NRG3: variants seen among roughly 807,000 people sequenced by gnomAD.
NRG3 encodes the protein neuregulin 3, also known as pro-neuregulin-3, membrane-bound isoform.
A neutral mutation model predicts 66.9 loss-of-function variants in NRG3; 31 were observed. That is an observed-to-expected ratio of 0.46 (90% CI 0.35 to 0.63). The LOEUF is 0.63. Ranked by LOEUF, NRG3 falls within the 20% of genes least tolerant of loss-of-function variation. NRG3 has a pLI of 0.00. For missense variants in NRG3, 910 were observed against 878.9 expected (o/e 1.04, Z -0.45); for synonymous variants, 393 against 359.4 (o/e 1.09, Z -1.06).
chr10:82,575,979 A>G (rs2046006185), intron 2 of NRG3, among the ~76,000 whole-genome samples: 1 of 151,700 alleles, frequency 6.6e-6, no homozygotes, highest in Admixed American at 6.6e-5. Flanking sequence ...ATGTTCTGAG[A>G]GTCATCTTCC....
chr10:82,592,320 C>A (rs1156312795), intron 2 of NRG3, among the ~76,000 whole-genome samples: 1 of 152,104 alleles, frequency 6.6e-6, no homozygotes, highest in Non-Finnish European at 1.5e-5. Flanking sequence ...CCAGTCCAAT[C>A]GGCTAAAAGA....
chr10:82,479,796 T>C (rs1360216366), intron 2 of NRG3, among the ~76,000 whole-genome samples: 1 of 151,152 alleles, frequency 6.6e-6, no homozygotes, highest in Non-Finnish European at 1.5e-5. Flanking sequence ...TAAAACTCCG[T>C]CTCTACTAAA....
At chr10:82,643,848 A>G (rs1345359294) in intron 2 of NRG3, among the ~76,000 whole-genome samples, 1 of 148,304 alleles carries the variant, frequency 6.7e-6, no homozygotes, top group Non-Finnish European at 1.5e-5. Flanking sequence ...GTTTCTTTTG[A>G]ATTTCTCTCT....
chr10:82,398,677 A>G (rs72827387), intron 2 of NRG3, among the ~76,000 whole-genome samples: 20,347 of 152,094 alleles, frequency 0.13, 1,621 homozygotes, highest in East Asian at 0.31. Flanking sequence ...GGGAAAGGTA[A>G]AAGTCACTTC....
chr10:82,804,413 G>T (rs766887345), intron 3 of NRG3, among the ~76,000 whole-genome samples: 3 of 152,172 alleles, frequency 2.0e-5, no homozygotes, highest in Non-Finnish European at 4.4e-5. Flanking sequence ...CATTGCATTT[G>T]TGGGTGGAAG....
intron 2 of NRG3, among the ~76,000 whole-genome samples, chr10:82,432,510 A>AG (rs962741197): frequency 2.0e-5 from 3 of 151,928 alleles, no homozygotes; most frequent in African/African-American, 7.2e-5. Flanking sequence ...AAAAAAAAAA[A>AG]AAAACAGGAT....
intron 6 of NRG3, among the ~76,000 whole-genome samples, chr10:82,972,110 C>T (rs1247026202): frequency 6.6e-6 from 1 of 152,056 alleles, no homozygotes; most frequent in Non-Finnish European, 1.5e-5. Flanking sequence ...TTCCAATTTA[C>T]CATGCTCTCT....
intron 1 of NRG3, among the ~76,000 whole-genome samples, chr10:82,227,052 C>T (rs537894078): frequency 2.6e-5 from 4 of 152,082 alleles, no homozygotes; most frequent in African/African-American, 7.2e-5. Context: ...CACATGTTGG[C>T]GGTATGTATG....
chr10:82,241,368 T>C (rs1005908774), intron 1 of NRG3, among the ~76,000 whole-genome samples: 1 of 152,104 alleles, frequency 6.6e-6, no homozygotes, highest in Non-Finnish European at 1.5e-5. Flanking sequence ...ATCAGTAAAA[T>C]GTCTATATCT....
At chr10:82,238,641 T>G (rs1589431036) in intron 1 of NRG3, among the ~76,000 whole-genome samples, 2 of 152,042 alleles carry the variant, frequency 1.3e-5, no homozygotes, top group East Asian at 3.9e-4. Flanking sequence ...GAGACAACCA[T>G]TCTAATTTAC....
chr10:82,340,455 C>T (rs2082628279), intron 1 of NRG3, among the ~76,000 whole-genome samples: 1 of 152,110 alleles, frequency 6.6e-6, no homozygotes, highest in African/African-American at 2.4e-5. Context: ...CTTTATACCC[C>T]AGGTGGAGAA....
At chr10:82,724,287 G>A in intron 2 of NRG3, among the ~76,000 whole-genome samples, 1 of 151,294 alleles carries the variant, frequency 6.6e-6, no homozygotes, top group East Asian at 1.9e-4. Flanking sequence ...CTTTTAATAT[G>A]AAATCACTTT....
At chr10:82,324,115 T>G (rs2081735974) in intron 1 of NRG3, among the ~76,000 whole-genome samples, 1 of 152,194 alleles carries the variant, frequency 6.6e-6, no homozygotes, top group South Asian at 2.1e-4. Flanking sequence ...TACACCTGCC[T>G]CGGCTTCCCA....
chr10:82,404,284 A>AG (rs1278889190), intron 2 of NRG3, among the ~76,000 whole-genome samples: 2 of 152,156 alleles, frequency 1.3e-5, no homozygotes, highest in Admixed American at 6.5e-5. Context: ...TGGACTGCAA[A>AG]GGGTAGCACG....
At chr10:82,115,031 A>G (rs12256677) in intron 1 of NRG3, among the ~76,000 whole-genome samples, 7,061 of 152,178 alleles carry the variant, frequency 0.046, 391 homozygotes, top group African/African-American at 0.14. Context: ...TGCTGTCCCA[A>G]TGTTCCTTCC....
At chr10:82,957,632 A>G (rs1850185718) in intron 5 of NRG3, among the ~76,000 whole-genome samples, 1 of 151,852 alleles carries the variant, frequency 6.6e-6, no homozygotes, top group African/African-American at 2.4e-5. Flanking sequence ...GCAGCCTTAC[A>G]TGCACGAAAA....
At chr10:82,867,132 A>G (rs970013117) in intron 4 of NRG3, among the ~76,000 whole-genome samples, 9 of 152,176 alleles carry the variant, frequency 5.9e-5, no homozygotes, top group African/African-American at 2.2e-4. Context: ...GACGGTAGCA[A>G]TTTATTTCCT....
chr10:82,556,829 T>C (rs2044682950), intron 2 of NRG3, among the ~76,000 whole-genome samples: 1 of 152,132 alleles, frequency 6.6e-6, no homozygotes. Flanking sequence ...TGTCTGTTTT[T>C]TCCTTGCCTG....
In NRG3 at chr10:82,979,077, G is replaced by A. The variant is rs564020344; in HGVS notation, c.1540G>A (p.Glu514Lys). The change falls in exon 8 of 9, where the codon GAA becomes AAA. Residue 514 changes from glutamate to lysine, a missense_variant. Transcript: ENST00000372141. Reference sequence around the variant, plus strand: ...TGTGGGACCAGCATATCAGCAACTCGAAGAATCAAGGATCCCAGACCAGGA... The same window carrying A: ...TGTGGGACCAGCATATCAGCAACTCAAAGAATCAAGGATCCCAGACCAGGA... ...GIVGPAYQQLEESRIPDQDTI... is the reference protein window; with the variant it reads ...GIVGPAYQQLKESRIPDQDTI... 3.6e-5 allele frequency: 58 copies of A among 1,614,054 alleles called. No homozygotes were observed. Among genetic ancestry groups the A allele is most frequent in the South Asian group, 3.0e-4 (27 of 91,072 alleles).
Sources: gnomAD v4.1 joint callset for allele counts (sites outside exome capture counted in the v4.1 genomes callset) on GRCh38, gnomAD v4.1.1 for gene constraint, MANE v1.5 for transcripts, NCBI Gene and HGNC (gene_info 2026-07-23, HGNC 2026-07-21) for gene names.